The following ROBO2 variants were observed in gnomAD, a reference collection of about 807,000 sequenced individuals.
ROBO2 encodes the protein roundabout homolog 2.
Under a neutral mutation model 160.8 loss-of-function variants are expected in ROBO2, and 53 were observed. That is an observed-to-expected ratio of 0.33 (90% CI 0.26 to 0.41). The LOEUF (loss-of-function observed/expected upper bound fraction) is 0.41. Ranked by LOEUF, ROBO2 falls within the 10% of genes least tolerant of loss-of-function variation. The pLI is 1.00. For synonymous variants in ROBO2, 664 were observed against 611.7 expected (o/e 1.09, Z -1.26); for missense variants, 1,577 against 1,722.4 (o/e 0.92, Z 1.49).
At chr3:76,366,712 T>C (rs1406718489) in intron 2 of ROBO2, among the ~76,000 whole-genome samples, 3 of 152,044 alleles carry the variant, frequency 2.0e-5, no homozygotes, top group Admixed American at 6.6e-5. Context: ...TTTTCTCAGA[T>C]ATTTATAGTA....
intron 2 of ROBO2, among the ~76,000 whole-genome samples, chr3:77,286,903 C>G (rs559371659): frequency 6.6e-6 from 1 of 152,108 alleles, no homozygotes; most frequent in African/African-American, 2.4e-5. Context: ...TTGAGTAATA[C>G]GCTGCTAAGA....
intron 2 of ROBO2, among the ~76,000 whole-genome samples, chr3:76,677,901 A>C (rs890430550): frequency 2.0e-5 from 3 of 147,328 alleles, no homozygotes; most frequent in African/African-American, 5.0e-5. Context: ...TTATATGTTC[A>C]TGACTTTTAT....
chr3:76,750,693 C>A (rs1007984110), intron 2 of ROBO2, among the ~76,000 whole-genome samples: 1 of 152,032 alleles, frequency 6.6e-6, no homozygotes, highest in Non-Finnish European at 1.5e-5. Context: ...CTCCCATTCA[C>A]AATTGCTTCA....
At chr3:76,921,811 G>C (rs1030784459) in intron 2 of ROBO2, among the ~76,000 whole-genome samples, 1 of 152,010 alleles carries the variant, frequency 6.6e-6, no homozygotes, top group Non-Finnish European at 1.5e-5. Context: ...TAAAATATGA[G>C]GGTTTTAACA....
chr3:76,961,460 A>G (rs770114880), intron 2 of ROBO2, among the ~76,000 whole-genome samples: 11 of 152,124 alleles, frequency 7.2e-5, no homozygotes, highest in Non-Finnish European at 1.0e-4. Context: ...CCATAAGCTT[A>G]CAAATTAACA....
At position 76,551,570 on chromosome 3, in the gene ROBO2, T is replaced by C. The variant is rs775096167; in HGVS notation, c.110-546444T>C. Among the ~76,000 whole-genome samples the C allele has an allele frequency of 5.3e-5, 8 of 151,974 alleles. No homozygotes were observed. The South Asian group carries it at 8.3e-4, about 16-fold the overall frequency. On this transcript the variant is annotated intron_variant, in intron 2 of 26. Transcript: ENST00000487694. ...ACCACATTGTGGGCAACGAGAAGGA[T>C]AGAATGAGGAGCTATGGCCCTTCAG...
At chr3:76,323,386 A>G (rs913321374) in intron 2 of ROBO2, among the ~76,000 whole-genome samples, 13 of 152,128 alleles carry the variant, frequency 8.5e-5, no homozygotes, top group Non-Finnish European at 1.6e-4. Flanking sequence ...AGATGTGAAA[A>G]TGTTAGATGC....
chr3:77,409,463 C>T, intron 2 of ROBO2, among the ~76,000 whole-genome samples: 1 of 152,002 alleles, frequency 6.6e-6, no homozygotes, highest in East Asian at 1.9e-4. Flanking sequence ...TGGGGCTTTT[C>T]TCCTGCAAAA....
intron 1 of ROBO2, among the ~76,000 whole-genome samples, chr3:77,061,743 C>T (rs1353947912): frequency 2.6e-5 from 4 of 152,168 alleles, no homozygotes; most frequent in Non-Finnish European, 5.9e-5. Flanking sequence ...CATTTTTGAG[C>T]TTCCCTTGGT....
chr3:75,937,018 T>A (rs1947812972), intron 1 of ROBO2, among the ~76,000 whole-genome samples: 1 of 152,098 alleles, frequency 6.6e-6, no homozygotes, highest in Admixed American at 6.6e-5. Context: ...CACTTAAAAC[T>A]TGAGAATATT....
chr3:77,534,726 A>G (rs17015328), intron 6 of ROBO2, among the ~76,000 whole-genome samples: 13,209 of 152,180 alleles, frequency 0.087, 1,122 homozygotes, highest in African/African-American at 0.21. Context: ...GCCTTTTAAA[A>G]TCTCACTTAT....
At chr3:75,912,360 T>G (rs1576108838) in intron 1 of ROBO2, among the ~76,000 whole-genome samples, 1 of 152,324 alleles carries the variant, frequency 6.6e-6, no homozygotes, top group Middle Eastern at 3.4e-3. Flanking sequence ...ATGGACTTCA[T>G]GTAATTAACA....
In ROBO2 at chr3:76,983,912, A is replaced by G. The variant is rs144032577; in HGVS notation, c.110-114102A>G. ...GGTAATTTATAAAGGAAGAAGTTTAATTGACTCGCAGTTCTGCGTGGCTAG... is the reference window on the plus strand; with the variant it reads ...GGTAATTTATAAAGGAAGAAGTTTAGTTGACTCGCAGTTCTGCGTGGCTAG... On this transcript the variant is annotated intron_variant, in intron 2 of 26. Coordinates refer to the ROBO2 transcript ENST00000487694. Among the ~76,000 whole-genome samples, 76 of 152,328 alleles carry G rather than the reference A, an allele frequency of 5.0e-4. 1 individual carries two copies. The East Asian group carries it at 0.014, about 27-fold the overall frequency.
At chr3:77,618,947 T>C (rs193051137) in intron 22 of ROBO2, among the ~76,000 whole-genome samples, 112 of 152,280 alleles carry the variant, frequency 7.4e-4, no homozygotes, top group South Asian at 4.1e-3. Context: ...CGTTAACTAA[T>C]GAAGCAATGC....
intron 2 of ROBO2, among the ~76,000 whole-genome samples, chr3:77,378,949 CTTT>C (rs759492704): frequency 2.8e-5 from 4 of 142,604 alleles, no homozygotes; most frequent in Admixed American, 7.1e-5. Context: ...TCTGTGTCTT[CTTT>C]TTTTTTTTTT....
At chr3:77,627,172 C>A (rs59745840) in intron 23 of ROBO2, among the ~76,000 whole-genome samples, 1,528 of 152,214 alleles carry the variant, frequency 0.01, 25 homozygotes, top group African/African-American at 0.035. Flanking sequence ...GGATATTACA[C>A]GTGTAATTTT....
chr3:77,644,469 G>A (rs547225254), intron 24 of ROBO2, among the ~76,000 whole-genome samples: 2 of 152,060 alleles, frequency 1.3e-5, no homozygotes, highest in South Asian at 4.1e-4. Context: ...ATAACATTGT[G>A]TACTTATCCC....
chr3:76,878,209 G>T (rs576060945), intron 2 of ROBO2, among the ~76,000 whole-genome samples: 1 of 152,000 alleles, frequency 6.6e-6, no homozygotes, highest in Non-Finnish European at 1.5e-5. Context: ...TTATAAAAAT[G>T]GATAGAGAAG....
intron 2 of ROBO2, among the ~76,000 whole-genome samples, chr3:76,207,612 A>G (rs1702891909): frequency 6.6e-6 from 1 of 152,180 alleles, no homozygotes; most frequent in Non-Finnish European, 1.5e-5. Flanking sequence ...AATATGTGAG[A>G]TACTGGGAAA....
Sources: allele counts gnomAD v4.1 joint callset (sites outside exome capture counted in the v4.1 genomes callset), GRCh38; gene constraint gnomAD v4.1.1; transcripts MANE v1.5; gene names NCBI Gene and HGNC (gene_info 2026-07-23, HGNC 2026-07-21).